The following PLAA variants were observed in gnomAD, a reference collection of about 807,000 sequenced individuals.
The protein encoded by PLAA is phospholipase A2 activating protein.
Under a neutral mutation model 84.1 loss-of-function variants are expected in PLAA, and 48 were observed. The ratio of observed to expected loss-of-function variants is 0.57; its 90% CI spans 0.45 to 0.73. The LOEUF (loss-of-function observed/expected upper bound fraction) is 0.73. PLAA is among the 30% of genes least tolerant of loss of function. PLAA has a pLI of 0.00. For synonymous variants in PLAA, 392 were observed against 336.6 expected (o/e 1.16, Z -1.80); for missense variants, 903 against 954.7 (o/e 0.95, Z 0.71).
chr9:26,946,794 G>T lies in PLAA; in HGVS notation c.149+103C>A, dbSNP rs111897570. ...GGGAGCGGAGAGCAGAGGGAAGGCT[G>T]GGGGGAGAGAGAGACGGCAGGACTG... On this transcript the variant is annotated intron_variant, in intron 1 of 13. Transcript: ENST00000397292. 10 of 1,292,658 alleles carry T rather than the reference G, an allele frequency of 7.7e-6. No homozygotes were observed. In the Admixed American group the frequency reaches 1.1e-4, roughly 14 times the overall value. The allele number at this position is 1,292,658 out of a possible 1,614,324, so 80.1% of individuals were successfully genotyped here.
chr9:26,906,174 C>A, intron 13 of PLAA, 98 bp from the exon 14 acceptor site: 1 of 671,994 alleles, frequency 1.5e-6, no homozygotes, highest in Non-Finnish European at 2.2e-6. Flanking sequence ...GCAAAACTAA[C>A]CATTTTAGAA....
chr9:26,946,299 G>A (rs1825708575), intron 1 of PLAA, among the ~76,000 whole-genome samples: 2 of 150,010 alleles, frequency 1.3e-5, no homozygotes, highest in African/African-American at 4.9e-5. Context: ...GAACCCTTCT[G>A]ATAAATCCTT....
rs1242655614 is a variant in PLAA at position 26,926,377 on chromosome 9, C to A, written c.733+16G>T. 6.7e-7 allele frequency: 1 copy of A among 1,501,074 alleles called. No individual in the cohort carries two copies. Among genetic ancestry groups the A allele is most frequent in the Admixed American group, 1.7e-5 (1 of 59,362 alleles). The allele number at this position is 1,501,074 out of a possible 1,614,324, so 93.0% of individuals were successfully genotyped here. ...TCAATACAAAACATTAAATAAATAG[C>A]ATAAAATAATCTTACCTCTACAATT... On this transcript the variant is annotated intron_variant, in intron 5 of 13. Transcript: ENST00000397292.
chr9:26,905,395 G>A lies in PLAA; in HGVS notation c.*116C>T, dbSNP rs1052335283. The A allele has an allele frequency of 4.1e-5, 33 of 812,762 alleles. No homozygotes were observed. Among genetic ancestry groups the A allele is most frequent in the Admixed American group, 2.6e-4 (9 of 35,028 alleles). The allele number at this position is 812,762 out of a possible 1,614,324, so 50.3% of individuals were successfully genotyped here. On this transcript the variant is annotated 3_prime_UTR_variant, in exon 14 of 14. Transcript: ENST00000397292. The stretch of plus-strand genomic sequence containing the variant: ...TCCCCTCCCCACCACTTTACAAGAT[G>A]TAAAATTTTACTTAATCCACCGTAT...
At chr9:26,943,634 A>C (rs972971817) in intron 1 of PLAA, among the ~76,000 whole-genome samples, 2 of 152,142 alleles carry the variant, frequency 1.3e-5, no homozygotes, top group East Asian at 3.9e-4. Context: ...CATTTATAGC[A>C]TTTCATTAAC....
chr9:26,923,637 A>T (rs373593246), intron 6 of PLAA, among the ~76,000 whole-genome samples: 2 of 152,224 alleles, frequency 1.3e-5, no homozygotes, highest in African/African-American at 4.8e-5. Flanking sequence ...GTACTTTTAA[A>T]GTCAATATTT....
chr9:26,936,555 T>G (rs1825364509), intron 1 of PLAA, among the ~76,000 whole-genome samples: 1 of 152,186 alleles, frequency 6.6e-6, no homozygotes, highest in South Asian at 2.1e-4. Flanking sequence ...TGAGGTTAAT[T>G]TTGATCAATG....
Position 26,935,195 on chromosome 9 carries a change from C to A in PLAA, c.161G>T (p.Ser54Ile). 1 of 1,563,570 alleles carries A rather than the reference C, an allele frequency of 6.4e-7. No homozygotes were observed. The highest frequency in any genetic ancestry group is 2.3e-5 in the East Asian group (1 of 42,768). The part of the protein sequence containing the change: ...RLWAPDSPNR[S>I]FTEMHCMSGH... Reference sequence around the variant, plus strand: ...ACTCATACAGTGCATTTCTGTAAAGCTCCTGTTTGGACTGGAAAGACAAGA... The same window carrying A: ...ACTCATACAGTGCATTTCTGTAAAGATCCTGTTTGGACTGGAAAGACAAGA... Residue 54 changes from serine (S) to isoleucine (I), a missense_variant, in exon 2 of 14, where the codon AGC becomes ATC. Coordinates refer to ENST00000397292, the MANE Select transcript of PLAA (RefSeq NM_001031689.3).
chr9:26,926,399 A>T lies in PLAA; in HGVS notation c.727T>A (p.Cys243Ser). The T allele has an allele frequency of 6.3e-7, 1 of 1,591,142 alleles. No homozygotes were observed. The highest frequency in any genetic ancestry group is 8.6e-7 in the Non-Finnish European group (1 of 1,159,938). ...TAGCATAAAATAATCTTACCTCTAC[A>T]ATTTGGAAAAACGGATATGCTATAA... ...YIYSISVFPNCRDFVTTAEDR... is the reference protein window; with the variant it reads ...YIYSISVFPNSRDFVTTAEDR... The change falls in exon 5 of 14, where the codon TGT becomes AGT. Residue 243 changes from cysteine (C) to serine (S), a missense_variant. Cys to Ser is a moderately radical substitution (Grantham distance 112). Coordinates refer to ENST00000397292, the MANE Select transcript of PLAA (RefSeq NM_001031689.3).
intron 2 of PLAA, among the ~76,000 whole-genome samples, chr9:26,930,379 A>G (rs1278006560): frequency 6.6e-6 from 1 of 152,124 alleles, no homozygotes; most frequent in African/African-American, 2.4e-5. Context: ...CTGGGATTAC[A>G]GGCATGAGCC....
intron 1 of PLAA, among the ~76,000 whole-genome samples, chr9:26,940,786 T>C (rs777524359): frequency 5.3e-5 from 8 of 152,200 alleles, no homozygotes; most frequent in Non-Finnish European, 2.9e-5. Flanking sequence ...TGAAGCATTA[T>C]GAAAAAGTCT....
At chr9:26,944,173 G>T (rs980661709) in intron 1 of PLAA, among the ~76,000 whole-genome samples, 1 of 152,084 alleles carries the variant, frequency 6.6e-6, no homozygotes, top group Admixed American at 6.5e-5. Flanking sequence ...GCCCCTCTGC[G>T]CCTCTTGCTG....
chr9:26,922,571 C>G (rs768477220), intron 7 of PLAA, among the ~76,000 whole-genome samples: 1 of 152,102 alleles, frequency 6.6e-6, no homozygotes, highest in Non-Finnish European at 1.5e-5. Flanking sequence ...TCAAGAGATA[C>G]ATCCAACCCA....
At chr9:26,946,428 G>C (rs1825715687) in intron 1 of PLAA, among the ~76,000 whole-genome samples, 1 of 148,826 alleles carries the variant, frequency 6.7e-6, no homozygotes, top group South Asian at 2.1e-4. Flanking sequence ...TAACCTGGAC[G>C]AAAAGAGGAT....
chr9:26,931,277 G>C (rs1825174574), intron 2 of PLAA, among the ~76,000 whole-genome samples: 1 of 152,132 alleles, frequency 6.6e-6, no homozygotes. Context: ...ATGGTAACCA[G>C]TTGATGTGGA....
At chr9:26,907,740 A>G in intron 13 of PLAA, 94 bp downstream of exon 13, 12 of 1,109,938 alleles carry the variant, frequency 1.1e-5, no homozygotes, top group Non-Finnish European at 1.6e-5. Context: ...ACCGAAGTTA[A>G]CTTTCATTTA....
chr9:26,924,354 G>A (rs956092392), intron 6 of PLAA, among the ~76,000 whole-genome samples: 3 of 151,670 alleles, frequency 2.0e-5, no homozygotes, highest in African/African-American at 4.8e-5. Context: ...GGATAGTCTC[G>A]AACTCCTGAG....
Position 26,927,350 on chromosome 9 carries a change from T to C in PLAA, c.565+750A>G, listed in dbSNP as rs529883540. ...GTTGGCCAGGCTGATCTCGAACTCA[T>C]GGCCCCAAGTGATCCACCCACCTCA... On this transcript the variant is annotated intron_variant, in intron 4 of 13. Transcript: ENST00000397292. 2.0e-5 allele frequency among the ~76,000 whole-genome samples: 3 copies of C among 152,108 alleles called. No individual in the cohort carries two copies. In the East Asian group the frequency reaches 5.8e-4, roughly 29 times the overall value.
Position 26,946,962 on chromosome 9 carries a change from G to T in PLAA, c.84C>A (p.Ala28=). The T allele has an allele frequency of 6.3e-7, 1 of 1,590,506 alleles. No individual in the cohort carries two copies. Among genetic ancestry groups the T allele is most frequent in the Admixed American group, 1.7e-5 (1 of 57,154 alleles). The change falls in exon 1 of 14, where the codon GCC becomes GCA. Residue 28 remains alanine, a synonymous_variant. Transcript: ENST00000397292. ...CGGACACAAAGGCTCCCGGCGGATAGGCGCAGCACACCAGGCCCCGTACGT... is the reference window on the plus strand; with the variant it reads ...CGGACACAAAGGCTCCCGGCGGATATGCGCAGCACACCAGGCCCCGTACGT... ...ELDVRGLVCC[A]YPPGAFVSVS...
Sources: allele counts gnomAD v4.1 joint callset (sites outside exome capture counted in the v4.1 genomes callset), GRCh38; gene constraint gnomAD v4.1.1; transcripts MANE v1.5; gene names NCBI Gene and HGNC (gene_info 2026-07-23, HGNC 2026-07-21).